PTPRD: variants seen among roughly 807,000 people sequenced by gnomAD.
PTPRD encodes receptor-type tyrosine-protein phosphatase delta.
In PTPRD, 34 loss-of-function variants were observed where a neutral mutation model predicts 214.5. The observed-to-expected ratio is 0.16, with a 90% CI of 0.12 to 0.21. The LOEUF is 0.21. Among genes scored for constraint, PTPRD ranks in the 10% least tolerant of loss-of-function variants. PTPRD has a pLI of 1.00. For synonymous variants in PTPRD, 1,128 were observed against 845.7 expected (o/e 1.33, Z -5.79); for missense variants, 2,545 against 2,398.7 (o/e 1.06, Z -1.27).
At chr9:8,876,718 A>T (rs1003391815) in intron 11 of PTPRD, among the ~76,000 whole-genome samples, 8 of 152,194 alleles carry the variant, frequency 5.3e-5, no homozygotes, top group Non-Finnish European at 1.0e-4. Flanking sequence ...CTGCAGTAAA[A>T]CTTTACCAAG....
intron 10 of PTPRD, among the ~76,000 whole-genome samples, chr9:9,153,871 T>C (rs1368234650): frequency 6.6e-6 from 1 of 152,134 alleles, no homozygotes; most frequent in Non-Finnish European, 1.5e-5. Flanking sequence ...CCAGGAACTA[T>C]TAAAAAGTAT....
At chr9:9,797,551 T>C (rs76275082) in intron 5 of PTPRD, among the ~76,000 whole-genome samples, 10,891 of 152,006 alleles carry the variant, frequency 0.072, 535 homozygotes, top group African/African-American at 0.14. Context: ...ACGAAAAGGA[T>C]CGTCTTCTGT....
At chr9:10,222,161 AT>A (rs1294053383) in intron 3 of PTPRD, among the ~76,000 whole-genome samples, 1 of 152,074 alleles carries the variant, frequency 6.6e-6, no homozygotes, top group Non-Finnish European at 1.5e-5. Flanking sequence ...AGATGAAAAT[AT>A]ATTTGTATAA....
chr9:8,496,606 A>G (rs1014024031), intron 26 of PTPRD, among the ~76,000 whole-genome samples: 2 of 152,174 alleles, frequency 1.3e-5, no homozygotes, highest in Non-Finnish European at 2.9e-5. Flanking sequence ...CACCATTCAA[A>G]TATGTATGGG....
At chr9:10,528,647 T>A (rs1313646054) in intron 2 of PTPRD, among the ~76,000 whole-genome samples, 2 of 152,204 alleles carry the variant, frequency 1.3e-5, no homozygotes, top group African/African-American at 4.8e-5. Flanking sequence ...CTAAATGGCA[T>A]GCACATAAGT....
intron 2 of PTPRD, among the ~76,000 whole-genome samples, chr9:10,355,992 TA>T (rs2097270086): frequency 6.6e-6 from 1 of 152,174 alleles, no homozygotes; most frequent in African/African-American, 2.4e-5. Context: ...GATATGGACT[TA>T]AAATATTAAT....
chr9:9,493,528 C>A (rs2096016955), intron 8 of PTPRD, among the ~76,000 whole-genome samples: 1 of 151,948 alleles, frequency 6.6e-6, no homozygotes, highest in African/African-American at 2.4e-5. Flanking sequence ...GTGGCTCATG[C>A]CTGTAATCCT....
At chr9:8,450,217 C>A (rs2133510583) in intron 33 of PTPRD, among the ~76,000 whole-genome samples, 1 of 152,302 alleles carries the variant, frequency 6.6e-6, no homozygotes, top group Middle Eastern at 3.4e-3. Context: ...AATACTAAGA[C>A]TGTTGTTACC....
intron 11 of PTPRD, among the ~76,000 whole-genome samples, chr9:8,889,112 C>A (rs558453035): frequency 2.6e-4 from 39 of 152,190 alleles, no homozygotes; most frequent in African/African-American, 8.7e-4. Context: ...AGGGTATAAA[C>A]CAAGGAATTC....
chr9:9,365,604 A>G (rs115898408), intron 9 of PTPRD, among the ~76,000 whole-genome samples: 2,940 of 151,616 alleles, frequency 0.019, 111 homozygotes, highest in African/African-American at 0.068. Context: ...ATACTGGTTT[A>G]AAATACATTA....
intron 31 of PTPRD, among the ~76,000 whole-genome samples, chr9:8,470,310 T>A (rs2096627088): frequency 6.6e-6 from 1 of 152,252 alleles, no homozygotes; most frequent in South Asian, 2.1e-4. Context: ...GTTCTTCATG[T>A]TATGCATTAC....
chr9:9,396,529 C>G (rs2067888162), intron 9 of PTPRD, among the ~76,000 whole-genome samples: 1 of 152,008 alleles, frequency 6.6e-6, no homozygotes, highest in Non-Finnish European at 1.5e-5. Flanking sequence ...GCATCCCATA[C>G]AGTTGATCTA....
intron 36 of PTPRD, among the ~76,000 whole-genome samples, chr9:8,404,289 C>A (rs188693496): frequency 6.6e-6 from 1 of 152,116 alleles, no homozygotes; most frequent in Non-Finnish European, 1.5e-5. Flanking sequence ...CCACCATGCC[C>A]GGCTAGTTTT....
At chr9:10,147,116 G>A (rs7850213) in intron 3 of PTPRD, among the ~76,000 whole-genome samples, 9,800 of 152,134 alleles carry the variant, frequency 0.064, 888 homozygotes, top group African/African-American at 0.2. Flanking sequence ...CACTATAAGG[G>A]ATCTAGAGTA....
chr9:9,350,229 ACT>A (rs2050590568), intron 9 of PTPRD, among the ~76,000 whole-genome samples: 1 of 152,064 alleles, frequency 6.6e-6, no homozygotes, highest in Non-Finnish European at 1.5e-5. Flanking sequence ...AGAAATAATA[ACT>A]CTTAGACTGG....
chr9:9,480,673 A>T (rs1347368011), intron 8 of PTPRD, among the ~76,000 whole-genome samples: 1 of 152,160 alleles, frequency 6.6e-6, no homozygotes, highest in African/African-American at 2.4e-5. Context: ...ACGTAAAAAT[A>T]TATACCATAT....
chr9:8,991,881 A>G (rs564085995), intron 11 of PTPRD, among the ~76,000 whole-genome samples: 6 of 152,272 alleles, frequency 3.9e-5, no homozygotes, highest in African/African-American at 1.4e-4. Flanking sequence ...GAATACTTCT[A>G]AAGAAATGGC....
chr9:9,303,795 T>C (rs1956249395), intron 9 of PTPRD, among the ~76,000 whole-genome samples: 1 of 152,126 alleles, frequency 6.6e-6, no homozygotes, highest in Non-Finnish European at 1.5e-5. Flanking sequence ...AAAGTGAGAA[T>C]GCTGTTTACA....
chr9:10,178,637 A>C (rs1361164562), intron 3 of PTPRD, among the ~76,000 whole-genome samples: 2 of 151,998 alleles, frequency 1.3e-5, no homozygotes, highest in African/African-American at 4.8e-5. Context: ...TACACAATGA[A>C]ATTTAAAAAG....
Sources: gnomAD v4.1 joint callset for allele counts (sites outside exome capture counted in the v4.1 genomes callset) on GRCh38, gnomAD v4.1.1 for gene constraint, MANE v1.5 for transcripts, NCBI Gene and HGNC (gene_info 2026-07-23, HGNC 2026-07-21) for gene names.